Variants in CFAP91 observed in about 807,000 individuals in gnomAD.
CFAP91 encodes cilia and flagella associated protein 91.
A neutral mutation model predicts 95.9 loss-of-function variants in CFAP91; 85 were observed. That is an observed-to-expected ratio of 0.89 (90% confidence interval 0.74 to 1.06). CFAP91 has a LOEUF of 1.06. Ranked by LOEUF, CFAP91 falls within the 50% of genes least tolerant of loss-of-function variation. The pLI, the probability that CFAP91 is intolerant of heterozygous loss-of-function variation, is 0.00. For missense variants in CFAP91, 962 were observed against 943.4 expected (o/e 1.02, Z -0.26); for synonymous variants, 335 against 327.5 (o/e 1.02, Z -0.25).
At chr3:119,759,594 T>C (rs186281773) in intron 17 of CFAP91, among the ~76,000 whole-genome samples, 1 of 152,092 alleles carries the variant, frequency 6.6e-6, no homozygotes, top group East Asian at 1.9e-4. Flanking sequence ...AAATTCAGAA[T>C]ATTCTAATAC....
chr3:119,711,071 C>G (rs1463676080), intron 5 of CFAP91, among the ~76,000 whole-genome samples: 1 of 152,116 alleles, frequency 6.6e-6, no homozygotes, highest in African/African-American at 2.4e-5. Flanking sequence ...ACTAGGTTTT[C>G]AAGGGTGCAT....
At chr3:119,707,603 A>C in intron 3 of CFAP91, 42 bp downstream of exon 3, 1 of 1,499,980 alleles carries the variant, frequency 6.7e-7, no homozygotes, top group African/African-American at 1.4e-5. Context: ...AAATGCATTA[A>C]AAGCATTTCT....
chr3:119,729,796 A>G (rs1051197680), intron 7 of CFAP91, among the ~76,000 whole-genome samples: 3 of 152,242 alleles, frequency 2.0e-5, no homozygotes, highest in Non-Finnish European at 2.9e-5. Context: ...AGTACCTATT[A>G]TATGCCAGGA....
In CFAP91 at chr3:119,708,694, G is replaced by T. The variant is rs771511364; in HGVS notation, c.443+20G>T. On this transcript the variant is annotated intron_variant, in intron 4 of 17. Transcript: ENST00000273390. ...TGAAAGGTAGAACATAATTACTAAT[G>T]AATATTTGAGCCCTAATATTATTAG... is the stretch of plus-strand genomic sequence containing the variant. 8 of 1,336,000 alleles carry T rather than the reference G, an allele frequency of 6.0e-6. 1 individual carries two copies. The South Asian group carries it at 1.0e-4, about 17-fold the overall frequency. The allele number at this position is 1,336,000 out of a possible 1,614,324, so 82.8% of individuals were successfully genotyped here.
At chr3:119,720,025 A>C (rs2053651661) in intron 6 of CFAP91, among the ~76,000 whole-genome samples, 1 of 151,668 alleles carries the variant, frequency 6.6e-6, no homozygotes. Context: ...GAGTGACCCA[A>C]GATTGCACCA....
chr3:119,742,612 T>C (rs2054142958), intron 13 of CFAP91, among the ~76,000 whole-genome samples: 1 of 152,218 alleles, frequency 6.6e-6, no homozygotes, highest in Non-Finnish European at 1.5e-5. Flanking sequence ...GAGAATCTAT[T>C]TGTGATCTCT....
At chr3:119,749,566 G>A (rs74730772) in intron 16 of CFAP91, among the ~76,000 whole-genome samples, 2,622 of 152,124 alleles carry the variant, frequency 0.017, 54 homozygotes, top group African/African-American at 0.046. Flanking sequence ...CCTCTCCCAT[G>A]TTGGGAGTCT....
intron 17 of CFAP91, among the ~76,000 whole-genome samples, chr3:119,751,394 G>A (rs1478758806): frequency 6.6e-6 from 1 of 152,160 alleles, no homozygotes; most frequent in Non-Finnish European, 1.5e-5. Flanking sequence ...TATAGAATGT[G>A]TCAGTGTTAC....
intron 4 of CFAP91, among the ~76,000 whole-genome samples, chr3:119,709,542 C>T (rs2053436248): frequency 6.6e-6 from 1 of 152,194 alleles, no homozygotes; most frequent in Admixed American, 6.5e-5. Flanking sequence ...GTGGCTTCTT[C>T]AAGTGTGACT....
At chr3:119,718,979 A>G (rs2053630282) in intron 6 of CFAP91, among the ~76,000 whole-genome samples, 1 of 152,188 alleles carries the variant, frequency 6.6e-6, no homozygotes, top group Admixed American at 6.5e-5. Context: ...AAAGACATAT[A>G]CAAGAAAACT....
At chr3:119,735,123 A>G (rs1284247017) in intron 10 of CFAP91, among the ~76,000 whole-genome samples, 2 of 151,748 alleles carry the variant, frequency 1.3e-5, no homozygotes, top group African/African-American at 4.8e-5. Context: ...AATATTGTTT[A>G]TTTATGCCTT....
At chr3:119,743,367 C>T (rs1269911877) in intron 13 of CFAP91, among the ~76,000 whole-genome samples, 3 of 152,176 alleles carry the variant, frequency 2.0e-5, no homozygotes, top group African/African-American at 7.2e-5. Flanking sequence ...ATCCACCCGC[C>T]TCAGCCTCCC....
chr3:119,764,143 A>G (rs987535627), intron 17 of CFAP91, among the ~76,000 whole-genome samples: 27 of 152,112 alleles, frequency 1.8e-4, no homozygotes, highest in African/African-American at 5.8e-4. Flanking sequence ...ATAGTAAAGG[A>G]TGTTGGCAGT....
At chr3:119,755,495 CCT>C (rs1031388653) in intron 17 of CFAP91, among the ~76,000 whole-genome samples, 1 of 151,922 alleles carries the variant, frequency 6.6e-6, no homozygotes, top group South Asian at 2.1e-4. Flanking sequence ...TGCCATTCTC[CCT>C]CTCTCTCTCT....
intron 16 of CFAP91, among the ~76,000 whole-genome samples, chr3:119,748,202 G>A (rs926098263): frequency 6.6e-6 from 1 of 152,060 alleles, no homozygotes; most frequent in African/African-American, 2.4e-5. Flanking sequence ...TTTTTAAAAA[G>A]CATAAAACAG....
chr3:119,709,884 T>G lies in CFAP91; in HGVS notation c.489T>G (p.Tyr163Ter), dbSNP rs369387000. 4.3e-6 allele frequency: 7 copies of G among 1,610,944 alleles called. No homozygotes were observed. Among genetic ancestry groups the G allele is most frequent in the Non-Finnish European group, 5.9e-6 (7 of 1,177,152 alleles). The stretch of plus-strand genomic sequence containing the variant: ...AGCAGATGCCATTCAATGTTGTTTA[T>G]GCCGTATCCAAGTAAGTAACCATTA... ...FFQQMPFNVV[Y>*]AVSKAEPYTF... Residue 163 changes from tyrosine to a stop codon, truncating the protein, a stop_gained, in exon 5 of 18, where the codon TAT (tyrosine) becomes TAG (stop). Coordinates refer to ENST00000273390, the MANE Select transcript of CFAP91 (RefSeq NM_033364.4). LOFTEE classifies it high-confidence loss of function.
chr3:119,729,017 G>A (rs2053841017), intron 7 of CFAP91, among the ~76,000 whole-genome samples: 1 of 152,118 alleles, frequency 6.6e-6, no homozygotes, highest in Non-Finnish European at 1.5e-5. Context: ...ATAAATATTT[G>A]ACAAATGAAT....
chr3:119,738,610 A>G (rs1258245084), intron 11 of CFAP91, among the ~76,000 whole-genome samples: 1 of 151,710 alleles, frequency 6.6e-6, no homozygotes, highest in Non-Finnish European at 1.5e-5. Context: ...TGGCCTCCCA[A>G]AGTGCTAGGA....
intron 14 of CFAP91, among the ~76,000 whole-genome samples, chr3:119,744,525 C>T (rs2054186097): frequency 6.6e-6 from 1 of 152,036 alleles, no homozygotes; most frequent in Admixed American, 6.6e-5. Flanking sequence ...GGAGGGAGGA[C>T]AGAGGGGGAA....
Sources: gnomAD v4.1 joint callset for allele counts (sites outside exome capture counted in the v4.1 genomes callset) on GRCh38, gnomAD v4.1.1 for gene constraint, MANE v1.5 for transcripts, NCBI Gene and HGNC (gene_info 2026-07-23, HGNC 2026-07-21) for gene names.